ASIC2: variants seen among roughly 807,000 people sequenced by gnomAD.
ASIC2 encodes the protein acid sensing ion channel subunit 2, also known as acid-sensing ion channel 2.
Under a neutral mutation model 57.3 loss-of-function variants are expected in ASIC2, and 25 were observed. The observed-to-expected ratio is 0.44, with a 90% CI of 0.32 to 0.61. The LOEUF (loss-of-function observed/expected upper bound fraction) is 0.61, where lower values mean the gene tolerates loss of function less well. Among genes scored for constraint, ASIC2 ranks in the 20% least tolerant of loss-of-function variants. The pLI is 0.06. For missense variants in ASIC2, 641 were observed against 738.1 expected (o/e 0.87, Z 1.52); for synonymous variants, 319 against 307.5 (o/e 1.04, Z -0.39).
At chr17:33,512,318 A>G (rs904345901) in intron 1 of ASIC2, among the ~76,000 whole-genome samples, 9 of 152,198 alleles carry the variant, frequency 5.9e-5, no homozygotes, top group African/African-American at 2.2e-4. Context: ...ATGAGTCATC[A>G]TTATTTTGAC....
chr17:33,591,418 T>A (rs1399386039), intron 1 of ASIC2, among the ~76,000 whole-genome samples: 2 of 151,480 alleles, frequency 1.3e-5, no homozygotes, highest in Admixed American at 6.6e-5. Context: ...TTAATCCATC[T>A]TGGTGCTTTT....
intron 1 of ASIC2, among the ~76,000 whole-genome samples, chr17:33,429,472 G>C (rs1479815872): frequency 6.6e-6 from 1 of 151,892 alleles, no homozygotes; most frequent in Non-Finnish European, 1.5e-5. Context: ...CTCACTGCAA[G>C]CTCCATCTCC....
At chr17:33,948,131 G>T (rs189262062) in intron 1 of ASIC2, among the ~76,000 whole-genome samples, 1 of 152,316 alleles carries the variant, frequency 6.6e-6, no homozygotes, top group East Asian at 1.9e-4. Context: ...GCTAAGGGCT[G>T]GACTCTGATG....
At chr17:33,852,800 C>G (rs1281795017) in intron 1 of ASIC2, among the ~76,000 whole-genome samples, 1 of 152,174 alleles carries the variant, frequency 6.6e-6, no homozygotes, top group Non-Finnish European at 1.5e-5. Context: ...TTCCCATTGG[C>G]TCAGGAGAGA....
intron 1 of ASIC2, among the ~76,000 whole-genome samples, chr17:33,356,183 G>C (rs1297634144): frequency 6.6e-6 from 1 of 152,188 alleles, no homozygotes; most frequent in Non-Finnish European, 1.5e-5. Flanking sequence ...GATGAGGCTG[G>C]CCCCTGAGTG....
chr17:33,858,368 T>G (rs1027626590), intron 1 of ASIC2, among the ~76,000 whole-genome samples: 1 of 152,200 alleles, frequency 6.6e-6, no homozygotes, highest in Non-Finnish European at 1.5e-5. Context: ...GTGGCTGCCC[T>G]GCAGGGTCCA....
intron 3 of ASIC2, among the ~76,000 whole-genome samples, chr17:33,065,290 T>A (rs1283118369): frequency 6.6e-6 from 1 of 151,722 alleles, no homozygotes; most frequent in East Asian, 1.9e-4. Flanking sequence ...GATCATCCCA[T>A]CTCAGCCCCC....
intron 1 of ASIC2, among the ~76,000 whole-genome samples, chr17:33,157,200 T>C (rs1223002807): frequency 6.6e-6 from 1 of 152,134 alleles, no homozygotes; most frequent in African/African-American, 2.4e-5. Flanking sequence ...TGTCCAACTC[T>C]AGACACCCCC....
At chr17:33,895,538 G>T (rs1307849279) in intron 1 of ASIC2, among the ~76,000 whole-genome samples, 1 of 152,150 alleles carries the variant, frequency 6.6e-6, no homozygotes, top group African/African-American at 2.4e-5. Flanking sequence ...GTAGTGCCCG[G>T]ACTGAGACCT....
chr17:33,951,580 TTTTC>T (rs925952610), intron 1 of ASIC2, among the ~76,000 whole-genome samples: 2 of 150,924 alleles, frequency 1.3e-5, no homozygotes, highest in Non-Finnish European at 2.9e-5. Flanking sequence ...TTCTTTTTTC[TTTTC>T]TTTTTTTCTT....
intron 1 of ASIC2, among the ~76,000 whole-genome samples, chr17:33,555,016 G>GGTGATCA (rs1915863382): frequency 6.6e-6 from 1 of 152,112 alleles, no homozygotes; most frequent in East Asian, 1.9e-4. Flanking sequence ...TCCATTTCTA[G>GGTGATCA]GTGATCAGTA....
intron 1 of ASIC2, among the ~76,000 whole-genome samples, chr17:34,060,298 C>T (rs181588973): frequency 1.3e-5 from 2 of 152,262 alleles, no homozygotes; most frequent in East Asian, 1.9e-4. Flanking sequence ...AAAGGGGAAG[C>T]GTACTATATC....
intron 1 of ASIC2, among the ~76,000 whole-genome samples, chr17:33,319,738 T>C (rs1208373391): frequency 6.6e-6 from 1 of 152,188 alleles, no homozygotes; most frequent in Non-Finnish European, 1.5e-5. Flanking sequence ...TTCACCATGT[T>C]GCCGTAGCTA....
At chr17:33,363,185 C>T (rs1216378041) in intron 1 of ASIC2, among the ~76,000 whole-genome samples, 2 of 152,104 alleles carry the variant, frequency 1.3e-5, no homozygotes, top group Non-Finnish European at 2.9e-5. Context: ...TTTCAAAAGA[C>T]TGCCATTTTC....
At chr17:33,290,898 G>A (rs960543801) in intron 1 of ASIC2, 2 of 153,218 alleles carry the variant, frequency 1.3e-5, no homozygotes, top group Non-Finnish European at 2.9e-5. Context: ...AAGCTGCTTC[G>A]GATCGTAGGC....
chr17:33,820,569 A>G (rs1217707578), intron 1 of ASIC2, among the ~76,000 whole-genome samples: 1 of 152,198 alleles, frequency 6.6e-6, no homozygotes, highest in Non-Finnish European at 1.5e-5. Context: ...GTCAGTCAAT[A>G]AGGTTTGTTC....
rs191807015 is a variant in ASIC2 at position 33,753,986 on chromosome 17, A to G, written c.555+401992T>C. On this transcript the variant is annotated intron_variant, in intron 1 of 9. Coordinates refer to the ASIC2 transcript ENST00000359872. ...GCAGCTGCCGGAAGAGAGCGTACAT[A>G]GGAACACTCTATACTTTCTGCTCCA... is the stretch of plus-strand genomic sequence containing the variant. Among the ~76,000 whole-genome samples, 15 of 152,340 alleles carry G rather than the reference A, an allele frequency of 9.8e-5. No individual in the cohort carries two copies. In the East Asian group the frequency reaches 2.5e-3, roughly 25 times the overall value.
chr17:33,885,083 C>T (rs1015201493), intron 1 of ASIC2, among the ~76,000 whole-genome samples: 11 of 152,142 alleles, frequency 7.2e-5, no homozygotes, highest in East Asian at 1.9e-4. Context: ...CCACTGCCTG[C>T]GCACACAGTA....
intron 1 of ASIC2, among the ~76,000 whole-genome samples, chr17:33,311,004 A>T (rs1906393150): frequency 1.3e-5 from 2 of 152,306 alleles, no homozygotes; most frequent in Non-Finnish European, 2.9e-5. Context: ...CTAGGTAAAC[A>T]CAGACCTGCC....
Sources: gnomAD v4.1 joint callset for allele counts (sites outside exome capture counted in the v4.1 genomes callset) on GRCh38, gnomAD v4.1.1 for gene constraint, MANE v1.5 for transcripts, NCBI Gene and HGNC (gene_info 2026-07-23, HGNC 2026-07-21) for gene names.